The following SHISA5 variants were observed in gnomAD, a reference collection of about 807,000 sequenced individuals.
The protein encoded by SHISA5 is protein shisa-5.
SHISA5 carries 21 observed loss-of-function variants against 27.5 expected under a neutral mutation model. The observed-to-expected ratio is 0.76, with a 90% confidence interval of 0.54 to 1.10. SHISA5 has a LOEUF of 1.10. Ranked by LOEUF, SHISA5 falls within the 50% of genes least tolerant of loss-of-function variation. The probability of loss-of-function intolerance (pLI) is 0.00; values close to 1 mark genes in which losing one functional copy is unlikely to be tolerated. For synonymous variants in SHISA5, 137 were observed against 142.2 expected (o/e 0.96, Z 0.26); for missense variants, 314 against 336.3 (o/e 0.93, Z 0.52).
In SHISA5 at chr3:48,469,627, C is replaced by T. The variant is rs1211522132; in HGVS notation, c.431-54G>A. ...CCTCCATCTCCCCAGGTCTTGAGAG[C>T]CAGGCTTGCCACCCATCCCTCCAGC... On this transcript the variant is annotated intron_variant, in intron 4 of 5. Coordinates refer to ENST00000296444, the MANE Select transcript of SHISA5 (RefSeq NM_016479.6). This position sits in a 1 kb window ranked among gnomAD's most constrained non-coding sequence, Gnocchi z 4.6. The T allele has an allele frequency of 2.5e-6, 4 of 1,591,186 alleles. No individual in the cohort carries two copies. Among genetic ancestry groups the T allele is most frequent in the Non-Finnish European group, 8.6e-7 (1 of 1,167,678 alleles).
intron 1 of SHISA5, 189 bp downstream of exon 1, chr3:48,503,815 GTCTAGGCAGGGTTGT>G: frequency 7.9e-7 from 1 of 1,261,412 alleles, no homozygotes; most frequent in Non-Finnish European, 1.0e-6. Context: ...GCTGCCTGGT[GTCTAGGCAGGGTTGT>G]TCAGGCAAGG....
At chr3:48,472,148 T>A (rs1027141467) in intron 3 of SHISA5, among the ~76,000 whole-genome samples, 1 of 150,306 alleles carries the variant, frequency 6.7e-6, no homozygotes, top group African/African-American at 2.5e-5. Context: ...GCCACTGCAC[T>A]CCAGCCTGAG....
rs2040429994 is a variant in SHISA5 at position 48,468,239 on chromosome 3, A to G, written c.*868T>C. The G allele has an allele frequency of 1.0e-6, 1 of 1,000,920 alleles. No individual in the cohort carries two copies. Among genetic ancestry groups the G allele is most frequent in the Non-Finnish European group, 1.2e-6 (1 of 838,660 alleles). 62.0% of individuals were successfully genotyped at this position (1,000,920 alleles called of 1,614,324 possible). ...TCAACTATCATGTTTGAAACAGAAAACAGGCAAAATGTTTGGCTAAAATAA... is the reference window on the plus strand; with the variant it reads ...TCAACTATCATGTTTGAAACAGAAAGCAGGCAAAATGTTTGGCTAAAATAA... On this transcript the variant is annotated 3_prime_UTR_variant, in exon 6 of 6. Transcript: ENST00000296444.
intron 2 of SHISA5, among the ~76,000 whole-genome samples, chr3:48,490,058 G>A (rs569307249): frequency 5.1e-4 from 78 of 151,746 alleles, no homozygotes; most frequent in Non-Finnish European, 8.7e-4. Context: ...CGCCACCTCC[G>A]TTTTTTTTGT....
chr3:48,492,448 T>A (rs1575327905), intron 2 of SHISA5, among the ~76,000 whole-genome samples: 1 of 145,710 alleles, frequency 6.9e-6, no homozygotes, highest in Non-Finnish European at 1.5e-5. Flanking sequence ...CCCGCCTGGG[T>A]GAAAGAGCGA....
At chr3:48,493,515 G>T (rs2041482593) in intron 2 of SHISA5, among the ~76,000 whole-genome samples, 1 of 130,826 alleles carries the variant, frequency 7.6e-6, no homozygotes, top group African/African-American at 3.4e-5. Context: ...AAATGGCCAT[G>T]ATCTATTCTT....
At chr3:48,490,284 G>A (rs2041383265) in intron 2 of SHISA5, among the ~76,000 whole-genome samples, 1 of 152,198 alleles carries the variant, frequency 6.6e-6, no homozygotes, top group African/African-American at 2.4e-5. Context: ...TGTTGGTCAG[G>A]CTGGTCTCAA....
chr3:48,477,330 A>C (rs1157404318), intron 3 of SHISA5, among the ~76,000 whole-genome samples: 1 of 152,120 alleles, frequency 6.6e-6, no homozygotes, highest in African/African-American at 2.4e-5. Flanking sequence ...TCCTGGCCTC[A>C]GGTGATCTGT....
upstream of SHISA5, chr3:48,504,240 G>A (rs1376156588): frequency 1.9e-5 from 7 of 371,842 alleles, no homozygotes; most frequent in Non-Finnish European, 3.4e-5. The surrounding 1 kb of genome is among the most constrained non-coding windows in gnomAD (Gnocchi z 4.0). Flanking sequence ...GGGAGCAGGA[G>A]GAGGAGGAGG....
At chr3:48,479,337 A>T in intron 2 of SHISA5, 80 bp from the exon 3 acceptor site, 1 of 1,360,522 alleles carries the variant, frequency 7.4e-7, no homozygotes, top group South Asian at 1.3e-5. Flanking sequence ...GGCACCACAA[A>T]ACGTGCACAG....
intron 3 of SHISA5, among the ~76,000 whole-genome samples, chr3:48,471,717 G>A (rs963342492): frequency 6.6e-6 from 1 of 150,982 alleles, no homozygotes; most frequent in South Asian, 2.1e-4. Context: ...ATTCGAGAAA[G>A]TATAAAAAAA....
chr3:48,473,624 G>A lies in SHISA5; in HGVS notation c.315-3781C>T. On this transcript the variant is annotated intron_variant, in intron 3 of 5. Transcript: ENST00000296444. This position sits in a 1 kb window ranked among gnomAD's most constrained non-coding sequence, Gnocchi z 4.3. ...CCGGCCACCCTACTGGGGCCACCAT[G>A]CAAGGTCCATCATGTCACCACCTGC... is the stretch of plus-strand genomic sequence containing the variant. 1 of 1,198,586 alleles carries A rather than the reference G, an allele frequency of 8.3e-7. No individual in the cohort carries two copies. The highest frequency in any genetic ancestry group is 1.1e-6 in the Non-Finnish European group (1 of 942,508). 74.2% of individuals were successfully genotyped at this position (1,198,586 alleles called of 1,614,324 possible).
Position 48,468,208 on chromosome 3 carries a change from C to T in SHISA5, c.*899G>A, listed in dbSNP as rs141211139. On this transcript the variant is annotated 3_prime_UTR_variant, in exon 6 of 6. Transcript: ENST00000296444. ...CCCTCCACAACCCAGGGGTTTCAGT[C>T]TCATATCAACTATCATGTTTGAAAC... 37 of 1,000,868 alleles carry T rather than the reference C, an allele frequency of 3.7e-5. No homozygotes were observed. In the African/African-American group the frequency reaches 6.1e-4, roughly 16 times the overall value. The allele number at this position is 1,000,868 out of a possible 1,614,324, so 62.0% of individuals were successfully genotyped here. A position where few individuals can be genotyped will look rare whatever the true frequency, so the allele number is the denominator to read the frequency against.
intron 1 of SHISA5, chr3:48,502,989 GGGGGGAACTGCACTTCTT>G (rs1560137460): frequency 1.4e-5 from 9 of 658,458 alleles, no homozygotes; most frequent in Non-Finnish European, 2.1e-5. Flanking sequence ...GTGGGGAGTT[GGGGGGAACTGCACTTCTT>G]GGCAGCTCCA....
chr3:48,480,853 G>A (rs1014021649), intron 2 of SHISA5, among the ~76,000 whole-genome samples: 1 of 152,142 alleles, frequency 6.6e-6, no homozygotes, highest in African/African-American at 2.4e-5. Context: ...CCAGTGCTTT[G>A]AGAGATCGAG....
At chr3:48,475,937 A>G (rs1182790584) in intron 3 of SHISA5, among the ~76,000 whole-genome samples, 3 of 152,220 alleles carry the variant, frequency 2.0e-5, no homozygotes, top group Non-Finnish European at 4.4e-5. Context: ...ATAGGGCCAC[A>G]CTATAACCCC....
At chr3:48,504,432 G>C (rs888039498), upstream of SHISA5, 12 of 223,908 alleles carry the variant, frequency 5.4e-5, no homozygotes, top group South Asian at 1.8e-4. This position sits in a 1 kb window ranked among gnomAD's most constrained non-coding sequence, Gnocchi z 4.0. Flanking sequence ...CCGGATGCAT[G>C]GGGGGCGGCG....
At chr3:48,503,466 C>T (rs923419880) in intron 1 of SHISA5, among the ~76,000 whole-genome samples, 11 of 152,324 alleles carry the variant, frequency 7.2e-5, no homozygotes, top group South Asian at 4.1e-4. Context: ...GTTCCAATTC[C>T]TAACCCTTTA....
rs1189124006 is a variant in SHISA5, at chr3:48,467,965, G to GTAAT, written c.*1138_*1141dup. 1.4e-5 allele frequency: 4 copies of GTAAT among 281,576 alleles called. No individual in the cohort carries two copies. Among genetic ancestry groups the GTAAT allele is most frequent in the African/African-American group, 2.2e-5 (1 of 45,928 alleles). The allele number at this position is 281,576 out of a possible 1,614,324, so 17.4% of individuals were successfully genotyped here. On this transcript the variant is annotated 3_prime_UTR_variant, in exon 6 of 6. Coordinates refer to ENST00000296444, the MANE Select transcript of SHISA5 (RefSeq NM_016479.6). Reference sequence around the variant, plus strand: ...GAGCTAAGACAGCTCTGGTGAAACAGTAATAGAGGGAGGAGGAACACGAGG... The same window carrying GTAAT: ...GAGCTAAGACAGCTCTGGTGAAACAGTAATTAATAGAGGGAGGAGGAACACGAGG...
Sources: allele counts gnomAD v4.1 joint callset (sites outside exome capture counted in the v4.1 genomes callset), GRCh38; gene constraint gnomAD v4.1.1; non-coding constraint Gnocchi (gnomAD v3.1); transcripts MANE v1.5; gene names NCBI Gene and HGNC (gene_info 2026-07-23, HGNC 2026-07-21).